EYS: variants seen among roughly 807,000 people sequenced by gnomAD.
EYS encodes protein eyes shut homolog.
A neutral mutation model predicts 282.1 loss-of-function variants in EYS; 250 were observed. The observed-to-expected ratio is 0.89, with a 90% CI of 0.80 to 0.98. EYS has a LOEUF of 0.98. EYS is among the 50% of genes least tolerant of loss of function. The pLI is 0.00. For synonymous variants in EYS, 1,355 were observed against 1,282.9 expected, an observed-to-expected ratio of 1.06 and a Z score of -1.20; for missense variants, 4,016 against 3,709.0, an observed-to-expected ratio of 1.08 and a Z score of -2.15.
chr6:65,238,795 GT>G (rs1332436275), intron 12 of EYS, among the ~76,000 whole-genome samples: 9 of 151,836 alleles, frequency 5.9e-5, no homozygotes, highest in African/African-American at 2.2e-4. Flanking sequence ...TTTATGTCCT[GT>G]TCCACAAAAT....
chr6:64,410,639 T>C (rs1306190103), intron 28 of EYS, among the ~76,000 whole-genome samples: 1 of 152,180 alleles, frequency 6.6e-6, no homozygotes, highest in East Asian at 1.9e-4. Context: ...GTGTATGTAT[T>C]TGTGAGGAAA....
At chr6:64,963,027 A>G (rs1391889478) in intron 14 of EYS, among the ~76,000 whole-genome samples, 1 of 152,146 alleles carries the variant, frequency 6.6e-6, no homozygotes, top group African/African-American at 2.4e-5. Flanking sequence ...TTGAACTTTT[A>G]TGGTAAAAGA....
At chr6:64,689,260 G>A (rs374666289) in intron 22 of EYS, among the ~76,000 whole-genome samples, 1 of 152,082 alleles carries the variant, frequency 6.6e-6, no homozygotes, top group African/African-American at 2.4e-5. Flanking sequence ...AATCCAACTT[G>A]CAAGGGATGT....
In EYS at chr6:64,363,346, G is replaced by T. The variant is rs1772079883; in HGVS notation, c.6078+25344C>A. On this transcript the variant is annotated intron_variant, in intron 29 of 42. Transcript: ENST00000503581. ...AAAAATAAAGTGGACTTAGACTTTG[G>T]CATTGATGTGATCGGTTAAATTGCA... Among the ~76,000 whole-genome samples, 3 of 151,952 alleles carry T rather than the reference G, an allele frequency of 2.0e-5. 1 individual carries two copies. The highest frequency in any genetic ancestry group is 6.6e-5 in the Admixed American group (1 of 15,226).
At chr6:64,396,076 A>T (rs1773364164) in intron 28 of EYS, among the ~76,000 whole-genome samples, 2 of 151,826 alleles carry the variant, frequency 1.3e-5, no homozygotes, top group Middle Eastern at 3.4e-3. Context: ...ACATGCACAG[A>T]CACACACGCA....
chr6:65,162,238 G>A (rs116913572), intron 12 of EYS, among the ~76,000 whole-genome samples: 36 of 151,208 alleles, frequency 2.4e-4, no homozygotes, highest in East Asian at 9.8e-4. Context: ...CATTTCTCAG[G>A]ATTCTATGAG....
In EYS at chr6:64,453,554, A is replaced by G. The variant is rs573348776; in HGVS notation, c.5645-14202T>C. ...ATCATGCTGCTATAAAGACACATGC[A>G]CATGTATGTTTACTGCGGCACTATT... On this transcript the variant is annotated intron_variant, in intron 26 of 42. Transcript: ENST00000503581. Among the ~76,000 whole-genome samples the G allele has an allele frequency of 3.3e-4, 50 of 152,318 alleles. No individual in the cohort carries two copies. The South Asian group carries it at 0.01, about 31-fold the overall frequency.
chr6:64,968,562 T>C (rs541279778), intron 14 of EYS, among the ~76,000 whole-genome samples: 117 of 152,308 alleles, frequency 7.7e-4, no homozygotes, highest in Non-Finnish European at 1.3e-3. Context: ...CTGATTGCTT[T>C]ATATAGATGC....
chr6:64,957,514 T>C (rs1769751774), intron 14 of EYS, among the ~76,000 whole-genome samples: 1 of 152,180 alleles, frequency 6.6e-6, no homozygotes, highest in South Asian at 2.1e-4. Context: ...ATCTACTATT[T>C]GATGGCACAA....
chr6:63,874,280 G>C (rs1772901890), intron 35 of EYS, among the ~76,000 whole-genome samples: 2 of 152,144 alleles, frequency 1.3e-5, no homozygotes, highest in African/African-American at 4.8e-5. Flanking sequence ...GTTTTTGCCA[G>C]ATTTGTCAAA....
chr6:64,246,024 A>AAAAAG (rs1767006112), intron 30 of EYS, among the ~76,000 whole-genome samples: 1 of 148,190 alleles, frequency 6.7e-6, no homozygotes, highest in Non-Finnish European at 1.5e-5. Flanking sequence ...GTCTCAAAAA[A>AAAAAG]AAAAAAAAAA....
At chr6:65,445,643 A>C (rs1192090204) in intron 5 of EYS, among the ~76,000 whole-genome samples, 3 of 151,808 alleles carry the variant, frequency 2.0e-5, no homozygotes, top group Non-Finnish European at 4.4e-5. Flanking sequence ...GGTTAATAAG[A>C]TGTGTACTAA....
chr6:65,258,230 A>C lies in EYS; in HGVS notation c.2023+37633T>G, dbSNP rs563316300. Among the ~76,000 whole-genome samples the C allele has an allele frequency of 3.9e-5, 6 of 152,174 alleles. No homozygotes were observed. In the South Asian group the frequency reaches 1.2e-3, roughly 32 times the overall value. ...TTTTCCAGTTAGTGACAGAAAAAAA[A>C]TTGTTGGAATTTAAAAGTGGGGGGA... On this transcript the variant is annotated intron_variant, in intron 12 of 42. Coordinates refer to ENST00000503581, the MANE Select transcript of EYS (RefSeq NM_001142800.2).
chr6:64,103,671 A>G (rs146804460), intron 31 of EYS, among the ~76,000 whole-genome samples: 98 of 152,326 alleles, frequency 6.4e-4, no homozygotes, highest in African/African-American at 2.3e-3. Context: ...GCAGTCAGGA[A>G]CATTAAACAT....
chr6:64,599,344 G>A (rs1304614149), intron 24 of EYS, among the ~76,000 whole-genome samples: 2 of 152,166 alleles, frequency 1.3e-5, no homozygotes, highest in Non-Finnish European at 2.9e-5. Flanking sequence ...TGAATATACT[G>A]AGTAAAGTTT....
At chr6:64,061,120 T>C (rs141875950) in intron 33 of EYS, among the ~76,000 whole-genome samples, 76 of 152,242 alleles carry the variant, frequency 5.0e-4, no homozygotes, top group African/African-American at 1.7e-3. Flanking sequence ...CTCAGGAGTG[T>C]TAGTAGCATC....
At chr6:65,534,703 G>A (rs1245764056) in intron 2 of EYS, among the ~76,000 whole-genome samples, 1 of 151,978 alleles carries the variant, frequency 6.6e-6, no homozygotes, top group East Asian at 1.9e-4. Flanking sequence ...GCTTCTCCAT[G>A]GCAACAGCCT....
chr6:65,271,768 G>C (rs1263903129), intron 12 of EYS, among the ~76,000 whole-genome samples: 1 of 151,808 alleles, frequency 6.6e-6, no homozygotes, highest in Non-Finnish European at 1.5e-5. Flanking sequence ...ATTTTTAGTA[G>C]AGACTGCATT....
In EYS at chr6:64,591,459, C is replaced by T. The variant is rs1263354325; in HGVS notation, c.4408G>A (p.Glu1470Lys). Residue 1470 changes from glutamate to lysine, a missense_variant, in exon 26 of 43, where the codon GAA becomes AAA. Transcript: ENST00000503581. ...ATTAAAGAATCAGCTGAATATTCTT[C>T]AATATCCTCTTGAGCCCCCCTAGAG... Reference protein sequence around the residue: ...VVSRGAQEDIEEYSADSLISR... With the variant: ...VVSRGAQEDIKEYSADSLISR... The T allele has an allele frequency of 1.3e-6, 2 of 1,551,336 alleles. No homozygotes were observed.
Sources: gnomAD v4.1 joint callset for allele counts (sites outside exome capture counted in the v4.1 genomes callset) on GRCh38, gnomAD v4.1.1 for gene constraint, MANE v1.5 for transcripts, NCBI Gene and HGNC (gene_info 2026-07-23, HGNC 2026-07-21) for gene names.